NAV1: variants seen among roughly 807,000 people sequenced by gnomAD.
NAV1 encodes the protein pore membrane and/or filament interacting like protein 3.
Under a neutral mutation model 175.2 loss-of-function variants are expected in NAV1, and 18 were observed. The observed-to-expected ratio is 0.10, with a 90% confidence interval of 0.07 to 0.15. The LOEUF (loss-of-function observed/expected upper bound fraction) is 0.15. Ranked by LOEUF, NAV1 falls within the 10% of genes least tolerant of loss-of-function variation. NAV1 has a pLI of 1.00. For synonymous variants in NAV1, 897 were observed against 978.7 expected (o/e 0.92, Z 1.56); for missense variants, 1,731 against 2,436.6 (o/e 0.71, Z 6.10).
Position 201,788,291 on chromosome 1 carries a change from C to A in NAV1, c.2996-177C>A, listed in dbSNP as rs944294515. On this transcript the variant is annotated intron_variant, in intron 9 of 29. Coordinates refer to ENST00000367296, the Ensembl canonical transcript of NAV1. The surrounding 1 kb of genome is among the most constrained non-coding windows in gnomAD (Gnocchi z 5.7). Reference sequence around the variant, plus strand: ...TCCCCAGGAGGGACCCCGCTCCTAACCACCAGCTGCTTGCACACTCCCACC... The same window carrying A: ...TCCCCAGGAGGGACCCCGCTCCTAAACACCAGCTGCTTGCACACTCCCACC... Among the ~76,000 whole-genome samples, 2 of 152,142 alleles carry A rather than the reference C, an allele frequency of 1.3e-5. No homozygotes were observed. Among genetic ancestry groups the A allele is most frequent in the Non-Finnish European group, 2.9e-5 (2 of 68,032 alleles).
At chr1:201,764,294 A>G (rs1675053288) in intron 3 of NAV1, among the ~76,000 whole-genome samples, 1 of 152,170 alleles carries the variant, frequency 6.6e-6, no homozygotes, top group South Asian at 2.1e-4. Context: ...GGCTTAAACA[A>G]TAGAAGTTTA....
chr1:201,775,634 G>C lies in NAV1; in HGVS notation c.1227-4787G>C, dbSNP rs560231354. ...AACTTGGAACCAGAAACTATGCAAG[G>C]ACATTGGAAACCTGCCCCTCCAAAT... On this transcript the variant is annotated intron_variant, in intron 3 of 29. Transcript: ENST00000367296. Among the ~76,000 whole-genome samples, 57 of 152,326 alleles carry C rather than the reference G, an allele frequency of 3.7e-4. 1 individual carries two copies. Among genetic ancestry groups the C allele is most frequent in the Non-Finnish European group, 6.0e-4 (41 of 68,034 alleles).
chr1:201,763,566 TCAAA>T (rs961416295), intron 3 of NAV1, among the ~76,000 whole-genome samples: 7 of 152,050 alleles, frequency 4.6e-5, no homozygotes, highest in East Asian at 1.9e-4. Context: ...TAGAGAAAAC[TCAAA>T]CAAATTGTGG....
intron 1 of NAV1, among the ~76,000 whole-genome samples, chr1:201,684,937 G>A (rs1308861844): frequency 6.7e-6 from 1 of 148,612 alleles, no homozygotes; most frequent in Non-Finnish European, 1.5e-5. Flanking sequence ...ACTCCAGCCT[G>A]GGCGACAGAG....
upstream of NAV1, among the ~76,000 whole-genome samples, chr1:201,620,453 CT>C (rs71861939): frequency 2.1e-3 from 196 of 94,516 alleles, no homozygotes; most frequent in East Asian, 3.6e-3. Flanking sequence ...GACATATACT[CT>C]TTTTTTTTTT....
chr1:201,709,046 G>A (rs1671786101), intron 1 of NAV1, among the ~76,000 whole-genome samples: 1 of 151,862 alleles, frequency 6.6e-6, no homozygotes, highest in African/African-American at 2.4e-5. Flanking sequence ...CTACTCAGGA[G>A]GCTAAGGTGG....
intron 1 of NAV1, among the ~76,000 whole-genome samples, chr1:201,566,413 C>T (rs772077635): frequency 2.4e-4 from 36 of 152,238 alleles, no homozygotes; most frequent in Non-Finnish European, 3.2e-4. Context: ...GGGTGCACAC[C>T]CTCAGCCGTT....
chr1:201,779,446 A>G (rs1275522548), intron 3 of NAV1, among the ~76,000 whole-genome samples: 2 of 150,444 alleles, frequency 1.3e-5, no homozygotes, highest in African/African-American at 4.9e-5. Flanking sequence ...AAAAAAAAAA[A>G]TAGTAGCTGG....
chr1:201,600,544 G>A (rs1019199942), intron 2 of NAV1, among the ~76,000 whole-genome samples: 1 of 152,176 alleles, frequency 6.6e-6, no homozygotes, highest in African/African-American at 2.4e-5. Context: ...ATGTACCGTG[G>A]TTATGTAAAT....
intron 1 of NAV1, among the ~76,000 whole-genome samples, chr1:201,651,543 A>G (rs1669204644): frequency 6.6e-6 from 1 of 152,162 alleles, no homozygotes; most frequent in African/African-American, 2.4e-5. Context: ...TGAGGAGAGA[A>G]CACCTCCACT....
At chr1:201,809,398 A>T in intron 21 of NAV1, 44 bp from the exon 26 acceptor site, 1 of 1,604,912 alleles carries the variant, frequency 6.2e-7, no homozygotes, top group South Asian at 1.1e-5. Flanking sequence ...TCATGGAGTC[A>T]TCTGCAGTGA....
chr1:201,797,241 T>A (rs1307777017), intron 15 of NAV1: 1 of 152,252 alleles, frequency 6.6e-6, no homozygotes, highest in Non-Finnish European at 1.5e-5. Context: ...AAGACTATTT[T>A]TTCCCCCACT....
At chr1:201,728,850 T>C (rs958383337) in intron 3 of NAV1, among the ~76,000 whole-genome samples, 1 of 152,090 alleles carries the variant, frequency 6.6e-6, no homozygotes, top group African/African-American at 2.4e-5. Context: ...CCCAGCAGGG[T>C]TGGTGAAAGG....
chr1:201,539,912 G>A lies in NAV1; in HGVS notation c.-144+570G>A, dbSNP rs553840409. On this transcript the variant is annotated intron_variant, in intron 1 of 33. Transcript: ENST00000685211. This position sits in a 1 kb window ranked among gnomAD's most constrained non-coding sequence, Gnocchi z 5.6. ...GCGCCCTCCCGCCAATCTCCCGGAG[G>A]CCGTCCTCTCTGGCGCCCGCCCAGT... Among the ~76,000 whole-genome samples the A allele has an allele frequency of 2.6e-5, 4 of 152,282 alleles. No homozygotes were observed. The highest frequency in any genetic ancestry group is 4.1e-4 in the South Asian group (2 of 4,822).
At chr1:201,606,099 C>T (rs1667668122) in intron 2 of NAV1, among the ~76,000 whole-genome samples, 1 of 152,160 alleles carries the variant, frequency 6.6e-6, no homozygotes, top group Admixed American at 6.5e-5. Flanking sequence ...CACCACATGG[C>T]TATGGGATCC....
chr1:201,573,226 C>T (rs993188257), intron 1 of NAV1, among the ~76,000 whole-genome samples: 2 of 152,240 alleles, frequency 1.3e-5, no homozygotes, highest in African/African-American at 2.4e-5. Context: ...GACATCAAGT[C>T]GAGGCAGGCC....
At chr1:201,734,795 C>T (rs1247906730) in intron 3 of NAV1, among the ~76,000 whole-genome samples, 2 of 152,114 alleles carry the variant, frequency 1.3e-5, no homozygotes, top group African/African-American at 2.4e-5. Flanking sequence ...CCCCTCTCCC[C>T]TACCCCTTCC....
At chr1:201,617,266 A>AAC (rs1394924495) in intron 2 of NAV1, among the ~76,000 whole-genome samples, 20 of 146,274 alleles carry the variant, frequency 1.4e-4, no homozygotes, top group South Asian at 8.9e-4. Flanking sequence ...CACACACATA[A>AAC]ACACACACAC....
intron 1 of NAV1, among the ~76,000 whole-genome samples, chr1:201,570,843 A>C (rs991218297): frequency 6.6e-6 from 1 of 152,216 alleles, no homozygotes; most frequent in Non-Finnish European, 1.5e-5. Context: ...CCATCTCTGG[A>C]ACCTCAGGCC....
Sources: allele counts gnomAD v4.1 joint callset (sites outside exome capture counted in the v4.1 genomes callset), GRCh38; gene constraint gnomAD v4.1.1; non-coding constraint Gnocchi (gnomAD v3.1); transcripts MANE v1.5; gene names NCBI Gene and HGNC (gene_info 2026-07-23, HGNC 2026-07-21).